Variants in MYO3A observed in about 807,000 individuals in gnomAD.
MYO3A encodes myosin IIIA, also known as myosin-IIIa.
MYO3A carries 180 observed loss-of-function variants against 192.7 expected under a neutral mutation model. The observed-to-expected ratio is 0.93, with a 90% confidence interval of 0.83 to 1.06. The LOEUF (loss-of-function observed/expected upper bound fraction) is 1.06, where lower values mean the gene tolerates loss of function less well. MYO3A is among the 50% of genes least tolerant of loss of function. The pLI is 0.00. For missense variants in MYO3A, 1,896 were observed against 1,905.0 expected (o/e 1.00, Z 0.09); for synonymous variants, 628 against 645.3 (o/e 0.97, Z 0.41).
chr10:26,033,199 G>A (rs968425966), intron 10 of MYO3A, among the ~76,000 whole-genome samples: 16 of 151,944 alleles, frequency 1.1e-4, no homozygotes, highest in African/African-American at 3.1e-4. Context: ...TCAGCCTCCC[G>A]AGTAGCTGTG....
chr10:26,012,776 T>C (rs2131018842), intron 6 of MYO3A, among the ~76,000 whole-genome samples: 1 of 151,970 alleles, frequency 6.6e-6, no homozygotes, highest in East Asian at 1.9e-4. Context: ...AGAGCCCAAA[T>C]AGCCAAAGCA....
chr10:26,099,823 T>C (rs1368174111), intron 17 of MYO3A, among the ~76,000 whole-genome samples: 4 of 152,354 alleles, frequency 2.6e-5, no homozygotes, highest in African/African-American at 7.2e-5. Context: ...CAGTATTTTA[T>C]TGAGGATTTT....
chr10:26,096,712 A>C (rs1236634888), intron 17 of MYO3A, 30 bp downstream of exon 17: 1 of 1,414,116 alleles, frequency 7.1e-7, no homozygotes, highest in Non-Finnish European at 1.0e-6. Context: ...GAACTTCTTT[A>C]GAAAGTATCT....
chr10:26,067,954 C>G (rs1464020125), intron 11 of MYO3A, among the ~76,000 whole-genome samples: 1 of 152,122 alleles, frequency 6.6e-6, no homozygotes, highest in African/African-American at 2.4e-5. Flanking sequence ...ATAAACAACT[C>G]AAGTACTTCC....
intron 30 of MYO3A, among the ~76,000 whole-genome samples, chr10:26,175,580 C>T (rs1449275311): frequency 1.3e-5 from 2 of 152,194 alleles, no homozygotes; most frequent in Non-Finnish European, 2.9e-5. Flanking sequence ...TGCACTTGGA[C>T]CCTTCCTTAG....
At chr10:26,074,575 T>TTA (rs955298129) in intron 14 of MYO3A, among the ~76,000 whole-genome samples, 6 of 147,780 alleles carry the variant, frequency 4.1e-5, no homozygotes, top group East Asian at 1.9e-4. Context: ...TTTTTTTCTT[T>TTA]TATATATATA....
chr10:26,179,715 ATTTG>A (rs1359197771), intron 31 of MYO3A, among the ~76,000 whole-genome samples: 1 of 152,214 alleles, frequency 6.6e-6, no homozygotes, highest in African/African-American at 2.4e-5. Context: ...ATTGTATGTG[ATTTG>A]TTTGAGAAAA....
chr10:26,100,006 C>G (rs1303932227), intron 17 of MYO3A, among the ~76,000 whole-genome samples: 2 of 152,082 alleles, frequency 1.3e-5, no homozygotes, highest in African/African-American at 4.8e-5. Flanking sequence ...CTCTTTGTAC[C>G]TCTGGTAGAA....
In MYO3A at chr10:26,144,561, C is replaced by A. The variant is rs565298711; in HGVS notation, c.2417-885C>A. On this transcript the variant is annotated intron_variant, in intron 21 of 34. Coordinates refer to ENST00000642920, the MANE Select transcript of MYO3A (RefSeq NM_017433.5). Reference sequence around the variant, plus strand: ...TCTAGAATAAGTTCTCCGAAGGTGGCAAAATTGTTATAGAAATTCAGCTGC... The same window carrying A: ...TCTAGAATAAGTTCTCCGAAGGTGGAAAAATTGTTATAGAAATTCAGCTGC... Among the ~76,000 whole-genome samples, 8 of 151,978 alleles carry A rather than the reference C, an allele frequency of 5.3e-5. No individual in the cohort carries two copies. The South Asian group carries it at 8.4e-4, about 16-fold the overall frequency.
At chr10:26,104,759 C>A (rs1352171415) in intron 17 of MYO3A, among the ~76,000 whole-genome samples, 1 of 151,770 alleles carries the variant, frequency 6.6e-6, no homozygotes, top group Non-Finnish European at 1.5e-5. Context: ...CCCCATCTTA[C>A]CTCCTTAAAT....
chr10:26,070,003 G>A, intron 12 of MYO3A, 108 bp from the exon 13 acceptor site: 2 of 740,282 alleles, frequency 2.7e-6, no homozygotes, highest in South Asian at 3.5e-5. Flanking sequence ...GAATGAAATG[G>A]TGTTTTTATT....
At chr10:26,111,834 A>C (rs970503534) in intron 17 of MYO3A, among the ~76,000 whole-genome samples, 1 of 152,192 alleles carries the variant, frequency 6.6e-6, no homozygotes, top group African/African-American at 2.4e-5. Flanking sequence ...GCATCCTTCT[A>C]ACTGGAAGAT....
At chr10:25,969,193 A>G (rs1365253453) in intron 4 of MYO3A, among the ~76,000 whole-genome samples, 1 of 152,194 alleles carries the variant, frequency 6.6e-6, no homozygotes, top group Non-Finnish European at 1.5e-5. Flanking sequence ...AGATTGCACC[A>G]GTACACTCCA....
At chr10:26,114,073 C>T (rs914222638) in intron 17 of MYO3A, among the ~76,000 whole-genome samples, 1 of 152,140 alleles carries the variant, frequency 6.6e-6, no homozygotes, top group Non-Finnish European at 1.5e-5. Context: ...CAGTAACATC[C>T]CATCCTGGGT....
chr10:25,940,178 T>A (rs1836388689), intron 2 of MYO3A, among the ~76,000 whole-genome samples: 1 of 152,076 alleles, frequency 6.6e-6, no homozygotes, highest in African/African-American at 2.4e-5. Flanking sequence ...TTATTGTGGT[T>A]ACTGGTATAT....
chr10:25,990,781 C>T (rs1483397244), intron 4 of MYO3A, among the ~76,000 whole-genome samples: 1 of 151,160 alleles, frequency 6.6e-6, no homozygotes, highest in African/African-American at 2.4e-5. Context: ...TTGTCCTTGC[C>T]ATAGTTTGCT....
Position 26,128,386 on chromosome 10 carries a change from T to C in MYO3A, c.2115-5T>C, listed in dbSNP as rs1326211268. On this transcript the variant is annotated splice_polypyrimidine_tract_variant and splice_region_variant and intron_variant, in intron 19 of 34. Transcript: ENST00000642920. The stretch of plus-strand genomic sequence containing the variant: ...CTCAAAATAATGCCTCTTCAATTCT[T>C]CTAGTGGGAATGGTGATGAGCTGAG... 1 of 1,612,436 alleles carries C rather than the reference T, an allele frequency of 6.2e-7. No individual in the cohort carries two copies. The highest frequency in any genetic ancestry group is 2.2e-5 in the East Asian group (1 of 44,788).
intron 21 of MYO3A, among the ~76,000 whole-genome samples, chr10:26,144,696 T>C (rs1198608032): frequency 6.6e-6 from 1 of 152,166 alleles, no homozygotes; most frequent in Non-Finnish European, 1.5e-5. Context: ...GACATCAAAC[T>C]GTGTTTTACA....
At chr10:26,198,095 C>T (rs556619261) in intron 32 of MYO3A, among the ~76,000 whole-genome samples, 30 of 152,128 alleles carry the variant, frequency 2.0e-4, no homozygotes, top group Non-Finnish European at 4.0e-4. Context: ...TTACATTTGC[C>T]CAACACAAAC....
Sources: allele counts gnomAD v4.1 joint callset (sites outside exome capture counted in the v4.1 genomes callset), GRCh38; gene constraint gnomAD v4.1.1; transcripts MANE v1.5; gene names NCBI Gene and HGNC (gene_info 2026-07-23, HGNC 2026-07-21).